The following NDRG3 variants were observed in gnomAD, a reference collection of about 807,000 sequenced individuals.
The protein encoded by NDRG3 is protein NDRG3.
In NDRG3, 23 loss-of-function variants were observed where a neutral mutation model predicts 57.2. That is an observed-to-expected ratio of 0.40 (90% CI 0.29 to 0.57). NDRG3 has a LOEUF of 0.57. NDRG3 is among the 20% of genes least tolerant of loss of function. The pLI is 0.42. For missense variants in NDRG3, 384 were observed against 457.3 expected (o/e 0.84, Z 1.46); for synonymous variants, 132 against 162.6 (o/e 0.81, Z 1.43).
chr20:36,654,952 T>G (rs1978528805), intron 15 of NDRG3: 12 of 727,280 alleles, frequency 1.6e-5, no homozygotes, highest in Non-Finnish European at 2.6e-6. Context: ...GGATAAAATT[T>G]TATTTTAAGG....
Position 36,665,101 on chromosome 20 carries a change from G to A in NDRG3, c.759-4C>T, listed in dbSNP as rs529642440. 16 of 1,613,994 alleles carry A rather than the reference G, an allele frequency of 9.9e-6. 1 individual carries two copies. The Admixed American group carries it at 2.7e-4, about 27-fold the overall frequency. The stretch of plus-strand genomic sequence containing the variant: ...TACCACCAGTAAAGTAGAACACCTA[G>A]GTAGGCAAAGTAAGAGGTGTCACTC... On this transcript the variant is annotated splice_polypyrimidine_tract_variant and splice_region_variant and intron_variant, in intron 11 of 15. Coordinates refer to ENST00000349004, the MANE Select transcript of NDRG3 (RefSeq NM_032013.4).
At chr20:36,743,660 C>CA (rs920815837) in intron 1 of NDRG3, among the ~76,000 whole-genome samples, 2 of 149,902 alleles carry the variant, frequency 1.3e-5, no homozygotes, top group Admixed American at 6.7e-5. Context: ...TAAAAAAATA[C>CA]AAAAAAAATT....
intron 3 of NDRG3, among the ~76,000 whole-genome samples, chr20:36,689,807 G>C (rs781553631): frequency 1.3e-3 from 193 of 147,404 alleles, no homozygotes; most frequent in Non-Finnish European, 2.1e-3. Context: ...TGCAAGCTCC[G>C]CCTCCTGGGT....
At chr20:36,675,575 G>A (rs113040202) in intron 8 of NDRG3, among the ~76,000 whole-genome samples, 6,819 of 150,488 alleles carry the variant, frequency 0.045, 296 homozygotes, top group African/African-American at 0.12. Flanking sequence ...TAGTAGAGAC[G>A]GGGTTTCTCC....
intron 1 of NDRG3, among the ~76,000 whole-genome samples, chr20:36,744,531 T>A (rs1022021984): frequency 6.6e-6 from 1 of 151,966 alleles, no homozygotes; most frequent in Non-Finnish European, 1.5e-5. Flanking sequence ...TTTGTGAACG[T>A]GTAATTCTAA....
In NDRG3 at chr20:36,666,293, T is replaced by C. The variant is rs768358757; in HGVS notation, c.688A>G (p.Asn230Asp). 22 of 1,610,706 alleles carry C rather than the reference T, an allele frequency of 1.4e-5. No individual in the cohort carries two copies. The highest frequency in any genetic ancestry group is 1.9e-5 in the Non-Finnish European group (22 of 1,177,070). Residue 230 changes from asparagine (N) to aspartate (D), a missense_variant, in exon 10 of 16, where the codon AAT becomes GAT. Asn to Asp is a conservative substitution (Grantham distance 23). Coordinates refer to ENST00000349004, the MANE Select transcript of NDRG3 (RefSeq NM_032013.4). ...AGAAACAGGAAAAAACTATACCCAT[T>C]GTAGGAATTCAAGAAGAGCTGCAGG... ...DNLQLFLNSY[N>D]GRRDLEIERP...
At chr20:36,684,359 A>C in intron 6 of NDRG3, 54 bp downstream of exon 6, 1 of 1,431,514 alleles carries the variant, frequency 7.0e-7, no homozygotes, top group Non-Finnish European at 9.9e-7. Context: ...ACACTAAATA[A>C]TTCACCATAG....
chr20:36,700,469 C>G (rs766312322), intron 3 of NDRG3: 11 of 531,640 alleles, frequency 2.1e-5, no homozygotes, highest in Admixed American at 5.8e-5. Flanking sequence ...TTTTCGTGAC[C>G]TTGTGAATGA....
intron 3 of NDRG3, among the ~76,000 whole-genome samples, chr20:36,693,072 C>CAAAAAA (rs1166724972): frequency 2.2e-4 from 1 of 4,532 alleles, no homozygotes; most frequent in Non-Finnish European, 3.9e-4. Flanking sequence ...GACCCTGTCT[C>CAAAAAA]AAAAAAAAAA....
rs1555796655 is a variant in NDRG3 at position 36,665,255 on chromosome 20, T to C, written c.739A>G (p.Asn247Asp). The change falls in exon 11 of 16, where the codon AAC becomes GAC. Residue 247 changes from asparagine (N) to aspartate (D), a missense_variant. Asn to Asp is a conservative substitution (Grantham distance 23, BLOSUM62 1). Coordinates refer to ENST00000349004, the MANE Select transcript of NDRG3 (RefSeq NM_032013.4). The stretch of plus-strand genomic sequence containing the variant: ...ACTTACTTTAATGTTTTTGATTTGT[T>C]ATCATTTTGGCCCAGTATGGGTCTT... ...IERPILGQND[N>D]KSKTLKCSTL... 8 of 1,614,212 alleles carry C rather than the reference T, an allele frequency of 5.0e-6. No homozygotes were observed. In the South Asian group the frequency reaches 6.6e-5, roughly 13 times the overall value.
intron 1 of NDRG3, among the ~76,000 whole-genome samples, chr20:36,742,109 G>A (rs565198266): frequency 1.5e-4 from 23 of 152,076 alleles, no homozygotes; most frequent in African/African-American, 4.6e-4. Context: ...GATCCTTCTT[G>A]CCCCCTTTCC....
intron 3 of NDRG3, among the ~76,000 whole-genome samples, chr20:36,700,918 T>C (rs1983182594): frequency 6.6e-6 from 1 of 152,020 alleles, no homozygotes; most frequent in South Asian, 2.1e-4. Flanking sequence ...GGAGCACACA[T>C]GCTTGCCATC....
At chr20:36,694,875 A>G (rs1038606968) in intron 3 of NDRG3, among the ~76,000 whole-genome samples, 1 of 152,136 alleles carries the variant, frequency 6.6e-6, no homozygotes. Context: ...CTCCCACCTC[A>G]GCCTCTCAAG....
chr20:36,683,650 A>ATATATGTATATG (rs60268431), intron 6 of NDRG3, among the ~76,000 whole-genome samples: 2 of 146,264 alleles, frequency 1.4e-5, no homozygotes, highest in African/African-American at 5.3e-5. Context: ...ATATATGTAT[A>ATATATGTATATG]TATATGTATA....
intron 4 of NDRG3, among the ~76,000 whole-genome samples, chr20:36,687,988 G>C (rs146464234): frequency 2.0e-3 from 307 of 152,356 alleles, no homozygotes; most frequent in African/African-American, 7.2e-3. Flanking sequence ...CAGGTGGCGT[G>C]AATGTCCTGA....
chr20:36,660,622 G>A (rs920681833), intron 12 of NDRG3, among the ~76,000 whole-genome samples: 3 of 150,756 alleles, frequency 2.0e-5, no homozygotes, highest in Non-Finnish European at 3.0e-5. Context: ...GTGCAGTGGC[G>A]CGATCTCGGC....
chr20:36,733,167 AAAAAATATATATATATATATATAT>A (rs1264475595), intron 1 of NDRG3, among the ~76,000 whole-genome samples: 3,387 of 29,302 alleles, frequency 0.12, 201 homozygotes, highest in Middle Eastern at 0.2. Flanking sequence ...AAAAAAAAAA[AAAAAATATATATATATATATATAT>A]ATATATATAT....
At chr20:36,711,051 C>G (rs558728059) in intron 2 of NDRG3, among the ~76,000 whole-genome samples, 1 of 148,488 alleles carries the variant, frequency 6.7e-6, no homozygotes, top group African/African-American at 2.5e-5. Context: ...GAGTCCGGGG[C>G]GGGTGGATCA....
At chr20:36,686,544 G>A (rs1395384179) in intron 5 of NDRG3, among the ~76,000 whole-genome samples, 1 of 152,168 alleles carries the variant, frequency 6.6e-6, no homozygotes, top group East Asian at 1.9e-4. Context: ...GAAAGGATAG[G>A]GGAAGAATTA....
Sources: gnomAD v4.1 joint callset for allele counts (sites outside exome capture counted in the v4.1 genomes callset) on GRCh38, gnomAD v4.1.1 for gene constraint, MANE v1.5 for transcripts, NCBI Gene and HGNC (gene_info 2026-07-23, HGNC 2026-07-21) for gene names.